The following SLC5A12 variants were observed in gnomAD, a reference collection of about 807,000 sequenced individuals.
SLC5A12 encodes the protein sodium-coupled monocarboxylate transporter 2.
Under a neutral mutation model 72.7 loss-of-function variants are expected in SLC5A12, and 46 were observed. The ratio of observed to expected loss-of-function variants is 0.63; its 90% CI spans 0.50 to 0.81. SLC5A12 has a LOEUF of 0.81. SLC5A12 is among the 30% of genes least tolerant of loss of function. The probability of loss-of-function intolerance (pLI) is 0.00; values close to 1 mark genes in which losing one functional copy is unlikely to be tolerated. For synonymous variants in SLC5A12, 275 were observed against 264.4 expected, an observed-to-expected ratio of 1.04 and a Z score of -0.39; for missense variants, 683 against 740.7, an observed-to-expected ratio of 0.92 and a Z score of 0.90.
At chr11:26,702,645 G>A (rs1290911657) in intron 6 of SLC5A12, among the ~76,000 whole-genome samples, 2 of 152,056 alleles carry the variant, frequency 1.3e-5, no homozygotes, top group African/African-American at 4.8e-5. Flanking sequence ...AATGCATGAG[G>A]CTTGTGCCTC....
At position 26,669,148 on chromosome 11, in the gene SLC5A12, T is replaced by TTC; in HGVS notation, c.*1953_*1954insGA. The TTC allele has an allele frequency of 2.0e-5, 3 of 147,072 alleles. No individual in the cohort carries two copies. The highest frequency in any genetic ancestry group is 6.7e-5 in the Admixed American group (1 of 14,908). The allele number at this position is 147,072 out of a possible 1,614,324, so 9.1% of individuals were successfully genotyped here. ...GCTGTTTTTTTATTCTTTCTGTCTC[T>TTC]CTCTTCCTCTTCCTGTCTTTTTCTT... On this transcript the variant is annotated 3_prime_UTR_variant, in exon 15 of 15. Coordinates refer to ENST00000396005, the MANE Select transcript of SLC5A12 (RefSeq NM_178498.4).
intron 2 of SLC5A12, among the ~76,000 whole-genome samples, chr11:26,711,874 G>A (rs540239457): frequency 5.9e-5 from 9 of 152,194 alleles, no homozygotes; most frequent in Middle Eastern, 3.4e-3. Context: ...CTAATTCCCA[G>A]AAGTGCAACC....
rs545714539 is a variant in SLC5A12 at position 26,697,063 on chromosome 11, G to C, written c.1040+101C>G. 171 of 983,804 alleles carry C rather than the reference G, an allele frequency of 1.7e-4. 3 individuals are homozygous for C. In the East Asian group the frequency reaches 4.0e-3, roughly 23 times the overall value. The allele number at this position is 983,804 out of a possible 1,614,324, so 60.9% of individuals were successfully genotyped here. On this transcript the variant is annotated intron_variant, in intron 8 of 14. Coordinates refer to ENST00000396005, the MANE Select transcript of SLC5A12 (RefSeq NM_178498.4). ...TACAAATAACACATTCAGAAGGTCA[G>C]TTTACACACAGTGAGTGCTTGCTAA...
intron 13 of SLC5A12, among the ~76,000 whole-genome samples, chr11:26,676,106 A>G (rs944939705): frequency 3.9e-5 from 6 of 152,144 alleles, no homozygotes; most frequent in African/African-American, 1.4e-4. Context: ...AAGCTAGAAT[A>G]TTTTTGATCT....
chr11:26,712,541 T>C (rs1855254085), intron 2 of SLC5A12, 100 bp downstream of exon 2: 4 of 698,284 alleles, frequency 5.7e-6, no homozygotes, highest in Admixed American at 5.0e-5. Flanking sequence ...GTCTTCTTAG[T>C]ATTAAGTGTC....
chr11:26,680,900 C>G (rs1363576891), intron 12 of SLC5A12, among the ~76,000 whole-genome samples, 155 bp downstream of exon 12: 2 of 152,124 alleles, frequency 1.3e-5, no homozygotes, highest in Non-Finnish European at 2.9e-5. Flanking sequence ...AAAGCTGCAG[C>G]CCTGCGTGGC....
At position 26,667,151 on chromosome 11, in the gene SLC5A12, A is replaced by G. The variant is rs1028103534; in HGVS notation, c.*3951T>C. ...TACTACAAGATTATAAATGCTAGAT[A>G]AAAGCAGTTAACTCTATAGTAAACC... On this transcript the variant is annotated 3_prime_UTR_variant, in exon 15 of 15. Transcript: ENST00000396005. 1 of 151,934 alleles carries G rather than the reference A, an allele frequency of 6.6e-6. No individual in the cohort carries two copies. The highest frequency in any genetic ancestry group is 1.9e-4 in the East Asian group (1 of 5,188). The allele number at this position is 151,934 out of a possible 1,614,324, so 9.4% of individuals were successfully genotyped here.
chr11:26,685,622 A>C (rs978081680), intron 10 of SLC5A12, among the ~76,000 whole-genome samples: 3 of 146,274 alleles, frequency 2.1e-5, no homozygotes, highest in African/African-American at 7.8e-5. Flanking sequence ...AAACAAACAA[A>C]CAAAAAAACA....
At position 26,670,384 on chromosome 11, in the gene SLC5A12, G is replaced by A. The variant is rs1854111265; in HGVS notation, c.*718C>T. ...TTCATTGTAAAGTGATAGAAAGGAA[G>A]AAGACATACTGCATGGACAGCACAA... On this transcript the variant is annotated 3_prime_UTR_variant, in exon 15 of 15. Coordinates refer to ENST00000396005, the MANE Select transcript of SLC5A12 (RefSeq NM_178498.4). 2 of 152,076 alleles carry A rather than the reference G, an allele frequency of 1.3e-5. No homozygotes were observed. The highest frequency in any genetic ancestry group is 6.6e-5 in the Admixed American group (1 of 15,240). 9.4% of individuals were successfully genotyped at this position (152,076 alleles called of 1,614,324 possible). A position where few individuals can be genotyped will look rare whatever the true frequency, so the allele number is the denominator to read the frequency against.
At chr11:26,704,069 T>C in intron 4 of SLC5A12, 122 bp from the exon 5 acceptor site, 3 of 1,024,640 alleles carry the variant, frequency 2.9e-6, no homozygotes, top group Non-Finnish European at 4.4e-6. Flanking sequence ...CCACTGAGGA[T>C]CTTTTATGTG....
intron 6 of SLC5A12, among the ~76,000 whole-genome samples, chr11:26,700,769 C>T (rs961214841): frequency 7.9e-5 from 12 of 152,248 alleles, no homozygotes; most frequent in African/African-American, 2.9e-4. Context: ...GTAAGTGATA[C>T]TATTTCTAGG....
chr11:26,670,982 T>A lies in SLC5A12; in HGVS notation c.*120A>T. On this transcript the variant is annotated 3_prime_UTR_variant, in exon 15 of 15. Coordinates refer to ENST00000396005, the MANE Select transcript of SLC5A12 (RefSeq NM_178498.4). ...AATAAGTAGAAATAGGCACCAGACA[T>A]CCCTGTCTTCTAGCAATGGCAACTA... is the stretch of plus-strand genomic sequence containing the variant. 1 of 834,288 alleles carries A rather than the reference T, an allele frequency of 1.2e-6. No individual in the cohort carries two copies. Among genetic ancestry groups the A allele is most frequent in the Non-Finnish European group, 1.8e-6 (1 of 565,702 alleles). 51.7% of individuals were successfully genotyped at this position (834,288 alleles called of 1,614,324 possible).
At chr11:26,705,700 A>T (rs1855067292) in intron 4 of SLC5A12, among the ~76,000 whole-genome samples, 1 of 152,102 alleles carries the variant, frequency 6.6e-6, no homozygotes, top group Admixed American at 6.6e-5. Flanking sequence ...TAAGCCTTCA[A>T]AACCCAAATC....
At position 26,678,708 on chromosome 11, in the gene SLC5A12, CAACCTGT is replaced by C. The variant is rs772085344; in HGVS notation, c.1576_1579+3del. On this transcript the variant is annotated splice_donor_variant and splice_donor_region_variant and coding_sequence_variant and intron_variant, in exon 13 of 15. Transcript: ENST00000396005. LOFTEE classifies it high-confidence loss of function. The stretch of plus-strand genomic sequence containing the variant: ...TAGTCCCAAAGGGAGGAATTATAAC[CAACCTGT>C]TATGAGGCTGATGATTACTCCAGCA... The C allele has an allele frequency of 1.2e-6, 2 of 1,608,464 alleles. No homozygotes were observed. Among genetic ancestry groups the C allele is most frequent in the Non-Finnish European group, 1.7e-6 (2 of 1,176,410 alleles).
In SLC5A12 at chr11:26,678,745, T is replaced by G. The variant is rs1854323228; in HGVS notation, c.1546A>C (p.Ile516Leu). ...YYSAVGCLGCIVAGVIISLIT... is the reference protein window; with the variant it reads ...YYSAVGCLGCLVAGVIISLIT... The stretch of plus-strand genomic sequence containing the variant: ...AGGCTGATGATTACTCCAGCAACAA[T>G]GCATCCTAAGCAGCCCACTGCACTG... Residue 516 changes from isoleucine to leucine, a missense_variant, in exon 13 of 15, where the codon ATT becomes CTT. Ile to Leu is a conservative substitution (Grantham distance 5). Coordinates refer to ENST00000396005, the MANE Select transcript of SLC5A12 (RefSeq NM_178498.4). 1.2e-6 allele frequency: 2 copies of G among 1,613,256 alleles called. No homozygotes were observed. Among genetic ancestry groups the G allele is most frequent in the Non-Finnish European group, 1.7e-6 (2 of 1,179,546 alleles).
chr11:26,699,875 C>T lies in SLC5A12; in HGVS notation c.822-1340G>A, dbSNP rs1221120085. Among the ~76,000 whole-genome samples, 6 of 151,986 alleles carry T rather than the reference C, an allele frequency of 3.9e-5. No homozygotes were observed. The Middle Eastern group carries it at 0.01, about 260-fold the overall frequency. The stretch of plus-strand genomic sequence containing the variant: ...TGTGTTCCCAGAGCACTGAACAGTT[C>T]CAGCATATAGCAAATATAAAATTAT... On this transcript the variant is annotated intron_variant, in intron 6 of 14. Coordinates refer to ENST00000396005, the MANE Select transcript of SLC5A12 (RefSeq NM_178498.4).
intron 2 of SLC5A12, among the ~76,000 whole-genome samples, 166 bp downstream of exon 2, chr11:26,712,475 C>T (rs1855252623): frequency 6.6e-6 from 1 of 151,948 alleles, no homozygotes; most frequent in East Asian, 1.9e-4. Context: ...TTGCAATATA[C>T]ATTTGTTTGT....
At position 26,678,348 on chromosome 11, in the gene SLC5A12, A is replaced by G. The variant is rs1048688480; in HGVS notation, c.1579+364T>C. Among the ~76,000 whole-genome samples the G allele has an allele frequency of 4.6e-5, 7 of 151,946 alleles. No homozygotes were observed. In the South Asian group the frequency reaches 1.5e-3, roughly 32 times the overall value. Reference sequence around the variant, plus strand: ...TCTTTTTTTAAATAATATATGGGAAATGTTTGAATATATGTTTTTTTGTTT... The same window carrying G: ...TCTTTTTTTAAATAATATATGGGAAGTGTTTGAATATATGTTTTTTTGTTT... On this transcript the variant is annotated intron_variant, in intron 13 of 14. Coordinates refer to ENST00000396005, the MANE Select transcript of SLC5A12 (RefSeq NM_178498.4).
At chr11:26,715,559 T>C (rs1283958609) in intron 1 of SLC5A12, among the ~76,000 whole-genome samples, 2 of 152,176 alleles carry the variant, frequency 1.3e-5, no homozygotes, top group Non-Finnish European at 2.9e-5. Flanking sequence ...ACGTTGCCAC[T>C]TGTCTATCAC....
Sources: gnomAD v4.1 joint callset for allele counts (sites outside exome capture counted in the v4.1 genomes callset) on GRCh38, gnomAD v4.1.1 for gene constraint, MANE v1.5 for transcripts, NCBI Gene and HGNC (gene_info 2026-07-23, HGNC 2026-07-21) for gene names.